The following AHI1 variants were observed in gnomAD, a reference collection of about 807,000 sequenced individuals.
The protein encoded by AHI1 is Abelson helper integration site 1.
Under a neutral mutation model 149.3 loss-of-function variants are expected in AHI1, and 123 were observed. The ratio of observed to expected loss-of-function variants is 0.82; its 90% CI spans 0.71 to 0.96. The LOEUF is 0.96. Ranked by LOEUF, AHI1 falls within the 40% of genes least tolerant of loss-of-function variation. The pLI, the probability that AHI1 is intolerant of heterozygous loss-of-function variation, is 0.00. For synonymous variants in AHI1, 475 were observed against 459.8 expected, an observed-to-expected ratio of 1.03 and a Z score of -0.42; for missense variants, 1,439 against 1,422.7, an observed-to-expected ratio of 1.01 and a Z score of -0.18.
intron 23 of AHI1, among the ~76,000 whole-genome samples, chr6:135,383,828 TATAAAAA>T (rs1178873809): frequency 6.6e-6 from 1 of 152,200 alleles, no homozygotes; most frequent in Non-Finnish European, 1.5e-5. Context: ...ATCGTCAAAC[TATAAAAA>T]AATAAAGTTA....
Position 135,358,373 on chromosome 6 carries a change from C to G in AHI1, c.3110-186G>C, listed in dbSNP as rs73559948. 0.012 allele frequency among the ~76,000 whole-genome samples: 1,771 copies of G among 152,266 alleles called. 38 individuals are homozygous for G. Among genetic ancestry groups the G allele is most frequent in the African/African-American group, 0.041 (1,686 of 41,544 alleles). On this transcript the variant is annotated intron_variant, in intron 23 of 28. Coordinates refer to ENST00000265602, the MANE Select transcript of AHI1 (RefSeq NM_001134831.2). ...AATTCTTTGGTCAGAAACAGTTGGT[C>G]TAAACTGACTCAAGGTTAGCTAAGC...
intron 15 of AHI1, among the ~76,000 whole-genome samples, chr6:135,433,483 T>G (rs904610966): frequency 2.6e-5 from 4 of 152,178 alleles, no homozygotes; most frequent in Admixed American, 6.5e-5. Flanking sequence ...CAGCATATTA[T>G]ATCCACTAAT....
At position 135,283,670 on chromosome 6, in the gene AHI1, T is replaced by A. The variant is rs551846310; in HGVS notation, c.*1975A>T. The A allele has an allele frequency of 1.8e-4, 28 of 152,270 alleles. No homozygotes were observed. Among genetic ancestry groups the A allele is most frequent in the African/African-American group, 6.7e-4 (28 of 41,558 alleles). The allele number at this position is 152,270 out of a possible 1,614,324, so 9.4% of individuals were successfully genotyped here. A position where few individuals can be genotyped will look rare whatever the true frequency, so the allele number is the denominator to read the frequency against. ...CCACCCCATCTCATCTCAGATTGTG[T>A]GGTAAAGAAACATCTTTTATTAATC... On this transcript the variant is annotated 3_prime_UTR_variant, in exon 29 of 29. Coordinates refer to ENST00000265602, the MANE Select transcript of AHI1 (RefSeq NM_001134831.2).
intron 15 of AHI1, among the ~76,000 whole-genome samples, chr6:135,436,242 T>C (rs913595471): frequency 1.3e-5 from 2 of 151,644 alleles, no homozygotes; most frequent in African/African-American, 2.4e-5. Context: ...CAGAGGAAAA[T>C]AAATCAGAGA....
intron 26 of AHI1, chr6:135,302,224 A>G: frequency 2.0e-6 from 2 of 985,412 alleles, no homozygotes; most frequent in Non-Finnish European, 2.4e-6. Flanking sequence ...CTTACCATCA[A>G]TATAGGTATA....
chr6:135,356,083 T>C (rs1342219342), intron 24 of AHI1, among the ~76,000 whole-genome samples: 2 of 152,154 alleles, frequency 1.3e-5, no homozygotes, highest in Admixed American at 1.3e-4. Flanking sequence ...GGTAAAGAAG[T>C]AAGCTGGGAA....
At chr6:135,307,553 C>A (rs1404432999) in intron 26 of AHI1, among the ~76,000 whole-genome samples, 1 of 151,880 alleles carries the variant, frequency 6.6e-6, no homozygotes, top group Non-Finnish European at 1.5e-5. Context: ...GGGTAGTCTA[C>A]AGCTCATATA....
intron 26 of AHI1, among the ~76,000 whole-genome samples, chr6:135,308,884 C>G (rs1784826350): frequency 6.6e-6 from 1 of 152,206 alleles, no homozygotes; most frequent in Non-Finnish European, 1.5e-5. Flanking sequence ...TTATCTAGGT[C>G]CTGCCTTCAG....
chr6:135,468,860 G>A (rs928628821), intron 5 of AHI1, among the ~76,000 whole-genome samples: 1 of 152,066 alleles, frequency 6.6e-6, no homozygotes, highest in Non-Finnish European at 1.5e-5. Flanking sequence ...GTAATAAACA[G>A]CCTAGAAACA....
intron 23 of AHI1, chr6:135,387,906 A>C (rs1777836794): frequency 1.3e-6 from 2 of 1,592,392 alleles, no homozygotes; most frequent in Non-Finnish European, 1.7e-6. Context: ...AGAGAAAGTG[A>C]ACTACCTAAC....
chr6:135,479,195 G>GGGGCACTGCCTAC (rs1793201834), intron 5 of AHI1, among the ~76,000 whole-genome samples: 1 of 152,102 alleles, frequency 6.6e-6, no homozygotes, highest in South Asian at 2.1e-4. Flanking sequence ...GCACTGCCTA[G>GGGGCACTGCCTAC]GGGCACTGCC....
intron 10 of AHI1, 72 bp from the exon 11 acceptor site, chr6:135,453,508 T>C (rs1411508382): frequency 2.3e-5 from 25 of 1,102,960 alleles, no homozygotes; most frequent in Non-Finnish European, 3.3e-5. Flanking sequence ...ATTAAAACTT[T>C]AAAAAATCAT....
At chr6:135,427,994 G>T (rs1310920796) in intron 19 of AHI1, among the ~76,000 whole-genome samples, 1 of 148,392 alleles carries the variant, frequency 6.7e-6, no homozygotes, top group African/African-American at 2.5e-5. Flanking sequence ...CTAACAGAAA[G>T]AATAAAAAAA....
At chr6:135,301,865 GAAC>G (rs1287576368) in intron 26 of AHI1, 1 of 985,224 alleles carries the variant, frequency 1.0e-6, no homozygotes, top group Non-Finnish European at 1.2e-6. Context: ...TCATCCAATA[GAAC>G]AATAAGCAAA....
intron 5 of AHI1, among the ~76,000 whole-genome samples, chr6:135,476,456 T>C (rs1463651248): frequency 3.3e-5 from 5 of 152,160 alleles, no homozygotes; most frequent in Non-Finnish European, 2.9e-5. Flanking sequence ...ACAATGAGTA[T>C]TCTGTGTTTG....
chr6:135,472,006 G>A (rs1379273199), intron 5 of AHI1, among the ~76,000 whole-genome samples: 14 of 79,988 alleles, frequency 1.8e-4, no homozygotes, highest in African/African-American at 5.4e-4. Context: ...GCGACAGAGC[G>A]AGACTCCGTC....
Position 135,402,631 on chromosome 6 carries a change from C to T in AHI1, c.2988+2320G>A, listed in dbSNP as rs116550390. 2.7e-3 allele frequency among the ~76,000 whole-genome samples: 409 copies of T among 152,074 alleles called. 2 individuals carry two copies. Among genetic ancestry groups the T allele is most frequent in the African/African-American group, 9.2e-3 (382 of 41,474 alleles). ...CACTTCTCCACCTCTTCTGCCTCTG[C>T]CCCCAGTGAAATAGCAAGACCAAAC... On this transcript the variant is annotated intron_variant, in intron 22 of 28. Transcript: ENST00000265602.
intron 16 of AHI1, among the ~76,000 whole-genome samples, 165 bp from the exon 17 acceptor site, chr6:135,431,479 A>T (rs1195468475): frequency 6.6e-6 from 1 of 152,086 alleles, no homozygotes; most frequent in Middle Eastern, 3.2e-3. Context: ...GTAACTCACA[A>T]ACAAACCCCA....
intron 26 of AHI1, chr6:135,302,665 C>CT (rs1784024324): frequency 8.5e-7 from 1 of 1,179,536 alleles, no homozygotes; most frequent in Non-Finnish European, 1.1e-6. Flanking sequence ...GAAAAGGACA[C>CT]TTACTTAACT....
Sources: allele counts gnomAD v4.1 joint callset (sites outside exome capture counted in the v4.1 genomes callset), GRCh38; gene constraint gnomAD v4.1.1; transcripts MANE v1.5; gene names NCBI Gene and HGNC (gene_info 2026-07-23, HGNC 2026-07-21).